Variants in GBE1 observed in about 807,000 individuals in gnomAD.
GBE1 encodes the protein 1,4-alpha-glucan branching enzyme 1.
Under a neutral mutation model 88.8 loss-of-function variants are expected in GBE1, and 70 were observed. The ratio of observed to expected loss-of-function variants is 0.79; its 90% CI spans 0.65 to 0.96. The LOEUF is 0.96. Among genes scored for constraint, GBE1 ranks in the 40% least tolerant of loss-of-function variants. The probability of loss-of-function intolerance (pLI) is 0.00; values close to 1 mark genes in which losing one functional copy is unlikely to be tolerated. For missense variants in GBE1, 872 were observed against 871.0 expected, an observed-to-expected ratio of 1.00 and a Z score of -0.01; for synonymous variants, 284 against 300.1, an observed-to-expected ratio of 0.95 and a Z score of 0.56.
rs1257925771 is a variant in GBE1, at chr3:81,737,656, CTTCT to C, written c.143+23715_143+23718del. Among the ~76,000 whole-genome samples the C allele has an allele frequency of 4.9e-5, 7 of 144,264 alleles. No homozygotes were observed. The East Asian group carries it at 1.4e-3, about 28-fold the overall frequency. The allele number at this position is 144,264 out of a possible 152,430, so 94.6% of individuals were successfully genotyped here. ...AATTTAAAAACTGGTACTTTTATGT[CTTCT>C]TTTTTTAAGTTAATTTTTCTAGTAA... On this transcript the variant is annotated intron_variant, in intron 1 of 15. Coordinates refer to ENST00000429644, the MANE Select transcript of GBE1 (RefSeq NM_000158.4).
At chr3:81,695,957 A>G (rs1421529079) in intron 2 of GBE1, among the ~76,000 whole-genome samples, 1 of 152,214 alleles carries the variant, frequency 6.6e-6, no homozygotes, top group Non-Finnish European at 1.5e-5. Flanking sequence ...TGGCAGTCAT[A>G]ATTAAAATGA....
Position 81,748,479 on chromosome 3 carries a change from C to T in GBE1, c.143+12896G>A, listed in dbSNP as rs543565942. On this transcript the variant is annotated intron_variant, in intron 1 of 15. Transcript: ENST00000429644. ...ACAAAAAATTAGCCGGGTGTGGTGG[C>T]GGGCGCCTGTAGTCCCAGCTACTCG... 3.3e-4 allele frequency among the ~76,000 whole-genome samples: 50 copies of T among 151,462 alleles called. No homozygotes were observed. In the South Asian group the frequency reaches 0.01, roughly 32 times the overall value.
chr3:81,524,839 T>C (rs1055988571), intron 14 of GBE1, among the ~76,000 whole-genome samples: 13 of 151,950 alleles, frequency 8.6e-5, no homozygotes, highest in African/African-American at 3.1e-4. Flanking sequence ...AGTCAGGTAA[T>C]GTGATTGTTC....
chr3:81,542,031 A>G (rs553534622), intron 12 of GBE1, among the ~76,000 whole-genome samples: 1 of 152,072 alleles, frequency 6.6e-6, no homozygotes, highest in Admixed American at 6.6e-5. Flanking sequence ...TTTGATAAAC[A>G]TTGTATTTAT....
chr3:81,628,742 CAT>C (rs71108330), intron 7 of GBE1, among the ~76,000 whole-genome samples: 2,164 of 65,204 alleles, frequency 0.033, 45 homozygotes, highest in African/African-American at 0.054. Context: ...AGAACAATTG[CAT>C]ATATATATAT....
chr3:81,726,631 G>C (rs902285379), intron 1 of GBE1, among the ~76,000 whole-genome samples: 3 of 148,836 alleles, frequency 2.0e-5, no homozygotes, highest in Admixed American at 6.8e-5. Context: ...CTTCAGGCTA[G>C]AATGCAGTGG....
At chr3:81,491,667 CTGA>C (rs999109442) in intron 15 of GBE1, among the ~76,000 whole-genome samples, 7 of 151,968 alleles carry the variant, frequency 4.6e-5, no homozygotes, top group Non-Finnish European at 1.0e-4. Flanking sequence ...TCTGACTTTG[CTGA>C]TATTTTACTA....
chr3:81,632,883 C>G (rs1007628307), intron 7 of GBE1, among the ~76,000 whole-genome samples: 1 of 152,100 alleles, frequency 6.6e-6, no homozygotes, highest in Non-Finnish European at 1.5e-5. Context: ...TGCTGCTGCA[C>G]GTAAATGGCC....
chr3:81,529,911 T>C (rs1702991231), intron 14 of GBE1, among the ~76,000 whole-genome samples: 1 of 152,022 alleles, frequency 6.6e-6, no homozygotes, highest in African/African-American at 2.4e-5. Flanking sequence ...TCTACCTGAA[T>C]GAATCAGTCT....
At chr3:81,502,511 C>T (rs919051455) in intron 14 of GBE1, among the ~76,000 whole-genome samples, 1 of 152,090 alleles carries the variant, frequency 6.6e-6, no homozygotes, top group Non-Finnish European at 1.5e-5. Context: ...GAAAATGTGG[C>T]CTTTAAAATC....
chr3:81,740,523 A>G (rs1476946392), intron 1 of GBE1, among the ~76,000 whole-genome samples: 1 of 152,140 alleles, frequency 6.6e-6, no homozygotes, highest in East Asian at 1.9e-4. Context: ...TTTTTCTCAT[A>G]AACGCAGTAC....
intron 7 of GBE1, among the ~76,000 whole-genome samples, chr3:81,600,448 G>GA (rs1394877743): frequency 6.6e-6 from 1 of 151,966 alleles, no homozygotes; most frequent in Non-Finnish European, 1.5e-5. Flanking sequence ...GCAACTTACA[G>GA]AGATACATAC....
chr3:81,666,226 T>A (rs1705112178), intron 3 of GBE1, among the ~76,000 whole-genome samples: 1 of 152,112 alleles, frequency 6.6e-6, no homozygotes, highest in Non-Finnish European at 1.5e-5. Context: ...CAAGGACAGT[T>A]TACAAATGCC....
At chr3:81,518,923 C>A (rs1702834794) in intron 14 of GBE1, among the ~76,000 whole-genome samples, 1 of 151,376 alleles carries the variant, frequency 6.6e-6, no homozygotes, top group Non-Finnish European at 1.5e-5. Context: ...GCTTTTTTAC[C>A]AAAGTATCTA....
At chr3:81,635,150 G>A (rs1454747629) in intron 7 of GBE1, among the ~76,000 whole-genome samples, 2 of 152,148 alleles carry the variant, frequency 1.3e-5, no homozygotes, top group African/African-American at 4.8e-5. Context: ...GACAGAATTT[G>A]AAAGGCTATA....
intron 14 of GBE1, among the ~76,000 whole-genome samples, chr3:81,499,450 A>G (rs1388717566): frequency 6.6e-6 from 1 of 152,168 alleles, no homozygotes; most frequent in Non-Finnish European, 1.5e-5. Flanking sequence ...ACGACTCACA[A>G]GTGATCACCC....
At chr3:81,517,973 T>G (rs908709338) in intron 14 of GBE1, among the ~76,000 whole-genome samples, 1 of 151,246 alleles carries the variant, frequency 6.6e-6, no homozygotes, top group African/African-American at 2.4e-5. Context: ...AGTAAACATA[T>G]CATTGTTGAT....
At chr3:81,498,730 A>G (rs1576120843) in intron 15 of GBE1, among the ~76,000 whole-genome samples, 2 of 152,360 alleles carry the variant, frequency 1.3e-5, no homozygotes, top group East Asian at 1.9e-4. Context: ...TCAATAATGT[A>G]GAAATCTGCT....
chr3:81,642,735 G>C (rs890909222), intron 7 of GBE1, 46 bp downstream of exon 7: 1 of 1,214,446 alleles, frequency 8.2e-7, no homozygotes, highest in African/African-American at 1.5e-5. Flanking sequence ...AAAAATTAAT[G>C]TTAAACAGCA....
Sources: gnomAD v4.1 joint callset for allele counts (sites outside exome capture counted in the v4.1 genomes callset) on GRCh38, gnomAD v4.1.1 for gene constraint, MANE v1.5 for transcripts, NCBI Gene and HGNC (gene_info 2026-07-23, HGNC 2026-07-21) for gene names.